Variants in DNAH6 observed in about 807,000 individuals in gnomAD.
DNAH6 encodes axonemal beta dynein heavy chain 6.
DNAH6 carries 340 observed loss-of-function variants against 491.4 expected under a neutral mutation model. That is an observed-to-expected ratio of 0.69 (90% CI 0.63 to 0.76). The LOEUF is 0.76. Among genes scored for constraint, DNAH6 ranks in the 30% least tolerant of loss-of-function variants. The probability of loss-of-function intolerance (pLI) is 0.00; values close to 1 mark genes in which losing one functional copy is unlikely to be tolerated. For synonymous variants in DNAH6, 1,603 were observed against 1,686.1 expected, an observed-to-expected ratio of 0.95 and a Z score of 1.21; for missense variants, 4,443 against 4,972.2, an observed-to-expected ratio of 0.89 and a Z score of 3.20.
the DNAH6 span, among the ~76,000 whole-genome samples, chr2:84,488,673 G>C: frequency 4.6e-5 from 7 of 152,160 alleles, no homozygotes; most frequent in South Asian, 1.5e-3. Flanking sequence ...CATTGGGCCC[G>C]CCTGAATAAT....
At chr2:84,563,263 G>C (rs573816642) in intron 11 of DNAH6, among the ~76,000 whole-genome samples, 1 of 152,224 alleles carries the variant, frequency 6.6e-6, no homozygotes, top group South Asian at 2.1e-4. Flanking sequence ...GGGATTGCTG[G>C]GTCAAATGGT....
rs773638444 is a variant in DNAH6, at chr2:84,707,520, C to T, written c.8852C>T (p.Ala2951Val). Reference protein sequence around the residue: ...DKGVNEKESLAKTMALTKARL... With the variant: ...DKGVNEKESLVKTMALTKARL... ...TCTGATTTTCTTAAAATTTTTCTAG[C>T]AAAGACCATGGCCCTGACAAAAGCA... Residue 2951 changes from alanine to valine, a missense_variant and splice_region_variant, in exon 54 of 77, where the codon GCA becomes GTA. Ala to Val is a moderately conservative substitution (Grantham distance 64). Transcript: ENST00000389394. The T allele has an allele frequency of 2.6e-5, 40 of 1,542,156 alleles. 1 individual carries two copies. The South Asian group carries it at 4.4e-4, about 17-fold the overall frequency.
intron 29 of DNAH6, among the ~76,000 whole-genome samples, chr2:84,628,171 C>G (rs1192850519): frequency 6.6e-6 from 1 of 152,142 alleles, no homozygotes; most frequent in Non-Finnish European, 1.5e-5. Flanking sequence ...CTGATTCATA[C>G]AGGCATGGAT....
At chr2:84,637,059 G>A (rs1036593737) in intron 30 of DNAH6, 151 bp from the exon 31 acceptor site, 34 of 658,654 alleles carry the variant, frequency 5.2e-5, no homozygotes, top group Non-Finnish European at 8.2e-5. Context: ...AGACAGGACA[G>A]AATCAGAAAT....
rs184029991 is a variant in DNAH6, at chr2:84,579,511, G to A, written c.2077-16G>A. On this transcript the variant is annotated splice_polypyrimidine_tract_variant and intron_variant, in intron 13 of 76. Transcript: ENST00000389394. ...ATATTCGACTATTTACAATTCACAC[G>A]GTGTTTCTTTCTTAGGTGCTAAATT... 2.4e-4 allele frequency: 391 copies of A among 1,611,898 alleles called. 2 individuals are homozygous for A. The highest frequency in any genetic ancestry group is 2.2e-3 in the South Asian group (203 of 90,658).
the DNAH6 span, among the ~76,000 whole-genome samples, chr2:84,488,375 A>G: frequency 1.4e-5 from 2 of 142,862 alleles, no homozygotes; most frequent in South Asian, 4.5e-4. Flanking sequence ...TTAAAGTATA[A>G]TAAAAAAAAT....
At chr2:84,498,579 T>G in the DNAH6 span, among the ~76,000 whole-genome samples, 3 of 152,228 alleles carry the variant, frequency 2.0e-5, no homozygotes, top group Admixed American at 2.0e-4. Context: ...ACACCCAGAT[T>G]CAAGCCAAAG....
chr2:84,523,252 A>G (rs1306997295), intron 2 of DNAH6, among the ~76,000 whole-genome samples: 1 of 152,074 alleles, frequency 6.6e-6, no homozygotes, highest in African/African-American at 2.4e-5. Flanking sequence ...TGGTATTCAT[A>G]GTAATCACTT....
At chr2:84,815,643 C>T (rs1341975095) in intron 75 of DNAH6, among the ~76,000 whole-genome samples, 5 of 152,176 alleles carry the variant, frequency 3.3e-5, no homozygotes, top group African/African-American at 7.2e-5. Context: ...CTCAGTACTC[C>T]TCCACCTCCC....
the DNAH6 span, among the ~76,000 whole-genome samples, chr2:84,496,481 A>G: frequency 8.5e-5 from 13 of 152,186 alleles, no homozygotes; most frequent in African/African-American, 3.1e-4. Flanking sequence ...GTAACTTTAA[A>G]ATATTTTCAT....
At chr2:84,812,272 T>C in intron 72 of DNAH6, 69 bp from the exon 73 acceptor site, 1 of 1,409,822 alleles carries the variant, frequency 7.1e-7, no homozygotes, top group Non-Finnish European at 9.6e-7. Context: ...CCTGCTGTCA[T>C]TAATGTGTGT....
intron 18 of DNAH6, among the ~76,000 whole-genome samples, chr2:84,597,469 G>A (rs958106366): frequency 1.3e-5 from 2 of 152,198 alleles, no homozygotes; most frequent in Non-Finnish European, 2.9e-5. Flanking sequence ...AAGTGTTGTA[G>A]GGAATATGCA....
intron 64 of DNAH6, among the ~76,000 whole-genome samples, chr2:84,779,594 T>C (rs1676481352): frequency 6.6e-6 from 1 of 152,226 alleles, no homozygotes. Context: ...TCCAACTTGC[T>C]ACTCTGTGCC....
intron 33 of DNAH6, among the ~76,000 whole-genome samples, chr2:84,642,956 G>A (rs973014140): frequency 2.0e-5 from 3 of 152,096 alleles, no homozygotes; most frequent in African/African-American, 7.2e-5. Context: ...CTTCAATTAT[G>A]CCATGCTCTT....
chr2:84,619,714 T>C lies in DNAH6; in HGVS notation c.3602T>C (p.Leu1201Pro). 1 of 1,551,580 alleles carries C rather than the reference T, an allele frequency of 6.4e-7. No individual in the cohort carries two copies. The highest frequency in any genetic ancestry group is 8.7e-7 in the Non-Finnish European group (1 of 1,146,800). ...RFYFLSNDEL[L>P]EILAQTRNPQ... ...TACTTCTTGTCAAATGATGAACTTC[T>C]GGAGATTTTGGCCCAGACACGAAAT... Residue 1201 changes from leucine to proline, a missense_variant, in exon 24 of 77, where the codon CTG becomes CCG. Leu to Pro is a moderately conservative substitution (Grantham distance 98). Transcript: ENST00000389394.
chr2:84,609,418 C>T lies in DNAH6; in HGVS notation c.3295-2256C>T, dbSNP rs1013959044. Among the ~76,000 whole-genome samples the T allele has an allele frequency of 2.0e-5, 3 of 152,140 alleles. No individual in the cohort carries two copies. In the East Asian group the frequency reaches 5.8e-4, roughly 29 times the overall value. On this transcript the variant is annotated intron_variant, in intron 21 of 76. Coordinates refer to ENST00000389394, the MANE Select transcript of DNAH6 (RefSeq NM_001370.2). ...CATGTGACTCTTCCTTTCACTTGAA[C>T]ACTTAAAGGCCATTGTAGTGTTATT...
chr2:84,806,877 T>A (rs189570702), intron 71 of DNAH6, among the ~76,000 whole-genome samples: 1 of 152,270 alleles, frequency 6.6e-6, no homozygotes, highest in Non-Finnish European at 1.5e-5. Context: ...CTCAAGAGAA[T>A]GTCTACTTGG....
At chr2:84,559,452 T>G (rs551922102) in intron 11 of DNAH6, among the ~76,000 whole-genome samples, 2 of 152,062 alleles carry the variant, frequency 1.3e-5, no homozygotes, top group East Asian at 3.9e-4. Flanking sequence ...GAGGCTGAGG[T>G]GGGAAGGTCA....
intron 57 of DNAH6, 58 bp downstream of exon 57, chr2:84,713,317 C>T (rs1202042763): frequency 6.6e-7 from 1 of 1,509,098 alleles, no homozygotes; most frequent in Non-Finnish European, 8.9e-7. Flanking sequence ...TGTAATGAAT[C>T]TCTGAAGTTT....
Sources: gnomAD v4.1 joint callset for allele counts (sites outside exome capture counted in the v4.1 genomes callset) on GRCh38, gnomAD v4.1.1 for gene constraint, MANE v1.5 for transcripts, NCBI Gene and HGNC (gene_info 2026-07-23, HGNC 2026-07-21) for gene names.